The following ZBTB20 variants were observed in gnomAD, a reference collection of about 807,000 sequenced individuals.
ZBTB20 encodes the protein zinc finger and BTB domain-containing protein 20.
ZBTB20 carries 9 observed loss-of-function variants against 56.9 expected under a neutral mutation model. The ratio of observed to expected loss-of-function variants is 0.16; its 90% CI spans 0.10 to 0.28. The LOEUF (loss-of-function observed/expected upper bound fraction) is 0.28. ZBTB20 is among the 10% of genes least tolerant of loss of function. ZBTB20 has a pLI of 1.00. For missense variants in ZBTB20, 655 were observed against 1,003.0 expected (o/e 0.65, Z 4.69); for synonymous variants, 417 against 420.7 (o/e 0.99, Z 0.11).
At chr3:114,879,252 T>C (rs1486223932) in intron 4 of ZBTB20, among the ~76,000 whole-genome samples, 2 of 152,162 alleles carry the variant, frequency 1.3e-5, no homozygotes, top group Non-Finnish European at 2.9e-5. Context: ...CTAGCGATCT[T>C]GAAGCATGTC....
intron 6 of ZBTB20, among the ~76,000 whole-genome samples, chr3:114,573,395 G>A (rs1411530743): frequency 1.3e-5 from 2 of 151,472 alleles, no homozygotes; most frequent in Non-Finnish European, 2.9e-5. Context: ...GGGAGGTGTA[G>A]GTTGCAGTGA....
At chr3:114,662,942 G>A (rs1285304735) in intron 6 of ZBTB20, among the ~76,000 whole-genome samples, 2 of 151,530 alleles carry the variant, frequency 1.3e-5, no homozygotes, top group Non-Finnish European at 2.9e-5. Flanking sequence ...GTGGAGAATG[G>A]AACCAAGTTG....
At chr3:114,576,452 A>C (rs1051059282) in intron 6 of ZBTB20, among the ~76,000 whole-genome samples, 1 of 129,490 alleles carries the variant, frequency 7.7e-6, no homozygotes, top group Non-Finnish European at 1.6e-5. Flanking sequence ...CAGTGAGTCG[A>C]GATCGCGCCG....
chr3:114,339,123 G>A lies in ZBTB20; in HGVS notation c.2108C>T (p.Pro703Leu), dbSNP rs774530004. 1.2e-6 allele frequency: 2 copies of A among 1,610,842 alleles called. No individual in the cohort carries two copies. Among genetic ancestry groups the A allele is most frequent in the African/African-American group, 1.3e-5 (1 of 74,910 alleles). The change falls in exon 12 of 12, where the codon CCC becomes CTC. Residue 703 changes from proline to leucine, a missense_variant. By Grantham distance (98) the Pro-to-Leu change is moderately conservative (BLOSUM62 -3). Coordinates refer to ENST00000675478, the MANE Select transcript of ZBTB20 (RefSeq NM_001348800.3). The surrounding 1 kb of genome is among the most constrained non-coding windows in gnomAD (Gnocchi z 4.2). ...AGTPPGARAG[P>L]PGVVACTEGT... ...CTCCGTGCAGGCCACCACGCCTGGG[G>A]GGCCAGCGCGGGCACCTGGGGGTGT...
At chr3:114,787,507 T>C (rs1341207601) in intron 5 of ZBTB20, among the ~76,000 whole-genome samples, 1 of 151,512 alleles carries the variant, frequency 6.6e-6, no homozygotes, top group Admixed American at 6.6e-5. Flanking sequence ...TATCCATTTA[T>C]ATGACAACTC....
At chr3:114,585,639 T>A (rs1201024556) in intron 6 of ZBTB20, among the ~76,000 whole-genome samples, 1 of 152,196 alleles carries the variant, frequency 6.6e-6, no homozygotes, top group Non-Finnish European at 1.5e-5. Flanking sequence ...ATGCCCCCTG[T>A]ACCACTATAC....
chr3:114,988,206 C>G (rs1038322524), intron 2 of ZBTB20, among the ~76,000 whole-genome samples: 1 of 150,136 alleles, frequency 6.7e-6, no homozygotes, highest in Non-Finnish European at 1.5e-5. Flanking sequence ...ATTAACTCGT[C>G]ATTTACATTA....
chr3:114,892,920 A>C (rs943172359), intron 4 of ZBTB20, among the ~76,000 whole-genome samples: 1 of 152,198 alleles, frequency 6.6e-6, no homozygotes, highest in Non-Finnish European at 1.5e-5. Context: ...TATTCACTTT[A>C]AAATTAAAAA....
At chr3:114,758,785 T>TAA (rs2068210896) in intron 5 of ZBTB20, 1 of 152,170 alleles carries the variant, frequency 6.6e-6, no homozygotes, top group South Asian at 2.1e-4. Flanking sequence ...TGAGCTCCAA[T>TAA]AAACAAGTTG....
intron 6 of ZBTB20, among the ~76,000 whole-genome samples, chr3:114,653,943 G>A: frequency 6.6e-6 from 1 of 151,200 alleles, no homozygotes; most frequent in Non-Finnish European, 1.5e-5. Context: ...CTTTAATATT[G>A]TTATGATATG....
At chr3:114,706,103 G>C (rs755063223) in intron 5 of ZBTB20, among the ~76,000 whole-genome samples, 2 of 152,106 alleles carry the variant, frequency 1.3e-5, no homozygotes, top group Non-Finnish European at 2.9e-5. Flanking sequence ...GAGAGAGAGA[G>C]AGACAGACTT....
chr3:114,638,001 T>C (rs2059367196), intron 6 of ZBTB20, among the ~76,000 whole-genome samples: 1 of 152,080 alleles, frequency 6.6e-6, no homozygotes, highest in African/African-American at 2.4e-5. Context: ...TCATTCTTCC[T>C]AGCCGCAGAC....
intron 6 of ZBTB20, among the ~76,000 whole-genome samples, chr3:114,552,158 AGTCATGATTT>A (rs2050666695): frequency 6.6e-6 from 1 of 152,192 alleles, no homozygotes; most frequent in Non-Finnish European, 1.5e-5. Context: ...GGCTGCAGTG[AGTCATGATTT>A]GTCATTGCAC....
intron 5 of ZBTB20, among the ~76,000 whole-genome samples, chr3:114,745,122 T>C (rs1364957432): frequency 6.6e-6 from 1 of 152,174 alleles, no homozygotes; most frequent in East Asian, 1.9e-4. Context: ...TCTACTGGGC[T>C]ATTGTGATAG....
chr3:114,763,283 G>A (rs2068559209), intron 5 of ZBTB20, among the ~76,000 whole-genome samples: 1 of 152,126 alleles, frequency 6.6e-6, no homozygotes, highest in Non-Finnish European at 1.5e-5. Flanking sequence ...TTCTCAAAAG[G>A]AGAAAAATGT....
At chr3:114,907,726 A>G (rs2075374433) in intron 3 of ZBTB20, among the ~76,000 whole-genome samples, 1 of 151,902 alleles carries the variant, frequency 6.6e-6, no homozygotes, top group South Asian at 2.1e-4. Flanking sequence ...ACCATTGGAT[A>G]TTTCATTCAT....
At chr3:114,768,773 T>G (rs1026333808) in intron 5 of ZBTB20, among the ~76,000 whole-genome samples, 80 of 152,160 alleles carry the variant, frequency 5.3e-4, no homozygotes, top group African/African-American at 1.8e-3. Flanking sequence ...CCTTTTTTCA[T>G]AAGCGAGGGA....
chr3:114,642,589 C>T (rs1438996249), intron 6 of ZBTB20, among the ~76,000 whole-genome samples: 2 of 152,032 alleles, frequency 1.3e-5, no homozygotes, highest in Non-Finnish European at 2.9e-5. Flanking sequence ...GCACTTTTCC[C>T]GACTGCCGAT....
intron 6 of ZBTB20, among the ~76,000 whole-genome samples, chr3:114,503,996 T>A (rs1254029676): frequency 1.3e-5 from 2 of 152,104 alleles, no homozygotes; most frequent in Non-Finnish European, 2.9e-5. Flanking sequence ...AGGCCATTCA[T>A]GAATCCCAGG....
Sources: gnomAD v4.1 joint callset for allele counts (sites outside exome capture counted in the v4.1 genomes callset) on GRCh38, gnomAD v4.1.1 for gene constraint, Gnocchi (gnomAD v3.1) non-coding constraint, MANE v1.5 for transcripts, NCBI Gene and HGNC (gene_info 2026-07-23, HGNC 2026-07-21) for gene names.